NRCAM: variants seen among roughly 807,000 people sequenced by gnomAD.
NRCAM encodes neuronal cell adhesion molecule, also known as NgCAM-related cell adhesion molecule.
In NRCAM, 83 loss-of-function variants were observed where a neutral mutation model predicts 156.5. The ratio of observed to expected loss-of-function variants is 0.53; its 90% CI spans 0.44 to 0.64. NRCAM has a LOEUF of 0.64. Ranked by LOEUF, NRCAM falls within the 30% of genes least tolerant of loss-of-function variation. NRCAM has a pLI of 0.00. For missense variants in NRCAM, 1,417 were observed against 1,597.3 expected, an observed-to-expected ratio of 0.89 and a Z score of 1.92; for synonymous variants, 538 against 563.9, an observed-to-expected ratio of 0.95 and a Z score of 0.65.
intron 31 of NRCAM, among the ~76,000 whole-genome samples, chr7:108,159,936 T>C (rs2047867567): frequency 6.6e-6 from 1 of 152,210 alleles, no homozygotes; most frequent in Non-Finnish European, 1.5e-5. Flanking sequence ...ATAAATTTAA[T>C]GGGCCCACTA....
chr7:108,295,216 TCTGTA>T (rs780070488), intron 3 of NRCAM, among the ~76,000 whole-genome samples: 43 of 152,246 alleles, frequency 2.8e-4, no homozygotes, highest in Admixed American at 3.3e-4. Context: ...GAGGGCTCGC[TCTGTA>T]CTAGGCACTT....
intron 2 of NRCAM, among the ~76,000 whole-genome samples, chr7:108,339,346 G>A (rs2099247806): frequency 6.6e-6 from 1 of 152,142 alleles, no homozygotes; most frequent in Non-Finnish European, 1.5e-5. Flanking sequence ...CCAAACCTGC[G>A]AGCTGTTTGC....
intron 2 of NRCAM, among the ~76,000 whole-genome samples, chr7:108,383,643 G>A (rs181883975): frequency 3.1e-4 from 47 of 152,266 alleles, no homozygotes; most frequent in African/African-American, 1.1e-3. Context: ...TGAGAAATTT[G>A]AATAAAAATT....
intron 3 of NRCAM, among the ~76,000 whole-genome samples, chr7:108,256,814 G>C (rs1022136876): frequency 3.3e-5 from 5 of 151,994 alleles, no homozygotes; most frequent in African/African-American, 1.2e-4. Flanking sequence ...TCAGGAGTTT[G>C]AGACCAGCCT....
intron 2 of NRCAM, among the ~76,000 whole-genome samples, chr7:108,347,041 T>TTG (rs1174294317): frequency 1.5e-5 from 2 of 136,706 alleles, no homozygotes; most frequent in East Asian, 4.2e-4. Flanking sequence ...TGTTTTTTTT[T>TTG]TTTTTTTTTT....
At chr7:108,371,455 G>C (rs551485164) in intron 2 of NRCAM, among the ~76,000 whole-genome samples, 1 of 152,142 alleles carries the variant, frequency 6.6e-6, no homozygotes, top group Admixed American at 6.6e-5. Flanking sequence ...CCACACTAAG[G>C]GCATGCTATT....
intron 13 of NRCAM, among the ~76,000 whole-genome samples, chr7:108,202,406 C>T (rs1398556030): frequency 6.6e-6 from 1 of 152,080 alleles, no homozygotes; most frequent in Non-Finnish European, 1.5e-5. Context: ...GTGAAACAGG[C>T]TAATCATATA....
At chr7:108,178,686 G>A (rs558775174) in intron 25 of NRCAM, among the ~76,000 whole-genome samples, 51 of 152,244 alleles carry the variant, frequency 3.3e-4, no homozygotes, top group Non-Finnish European at 6.9e-4. Context: ...GGGAAGGCCC[G>A]AGGGGTCTCA....
chr7:108,393,817 A>G (rs1007313545), intron 2 of NRCAM, among the ~76,000 whole-genome samples: 1 of 152,194 alleles, frequency 6.6e-6, no homozygotes, highest in African/African-American at 2.4e-5. Flanking sequence ...TCACAGTACT[A>G]TGAAGATAGG....
At chr7:108,213,517 AG>A (rs1321336883) in intron 11 of NRCAM, among the ~76,000 whole-genome samples, 1 of 152,174 alleles carries the variant, frequency 6.6e-6, no homozygotes, top group Non-Finnish European at 1.5e-5. Context: ...TGCTGCCTTC[AG>A]GAGACTCACC....
intron 1 of NRCAM, among the ~76,000 whole-genome samples, chr7:108,429,218 G>C (rs1790350686): frequency 6.6e-6 from 1 of 151,942 alleles, no homozygotes; most frequent in African/African-American, 2.4e-5. Flanking sequence ...GTGAGACAGA[G>C]TCTCACTCTA....
intron 1 of NRCAM, among the ~76,000 whole-genome samples, chr7:108,432,936 G>C (rs1827480049): frequency 6.9e-6 from 1 of 144,104 alleles, no homozygotes; most frequent in African/African-American, 2.5e-5. Context: ...AGAGGAGAAA[G>C]AGAAAGAGAA....
At chr7:108,422,007 A>G (rs1810604964) in intron 1 of NRCAM, among the ~76,000 whole-genome samples, 1 of 152,206 alleles carries the variant, frequency 6.6e-6, no homozygotes, top group Admixed American at 6.5e-5. Context: ...CAGTAGTCAA[A>G]ATAGTCAAAA....
chr7:108,184,264 C>T lies in NRCAM; in HGVS notation c.2281G>A (p.Asp761Asn). 8.7e-6 allele frequency: 14 copies of T among 1,614,088 alleles called. No homozygotes were observed. Among genetic ancestry groups the T allele is most frequent in the Non-Finnish European group, 1.2e-5 (14 of 1,179,972 alleles). The change falls in exon 22 of 33, where the codon GAT becomes AAT. Residue 761 changes from aspartate (D) to asparagine (N), a missense_variant. Transcript: ENST00000379028. ...ACCTTCCACGTAATCACCAAATTAT[C>T]AGGCTCTGATCCCAGTCCTTCCACA... is the stretch of plus-strand genomic sequence containing the variant. The part of the protein sequence containing the change: ...TAVEGLGSEP[D>N]NLVITWKPLN...
intron 2 of NRCAM, among the ~76,000 whole-genome samples, chr7:108,392,943 G>C (rs981826745): frequency 1.1e-4 from 16 of 152,272 alleles, no homozygotes; most frequent in African/African-American, 3.9e-4. Context: ...TCTCAGAGGG[G>C]TACCCAGCCG....
intron 11 of NRCAM, among the ~76,000 whole-genome samples, chr7:108,214,418 G>C (rs1355226514): frequency 6.6e-6 from 1 of 151,720 alleles, no homozygotes; most frequent in African/African-American, 2.4e-5. Flanking sequence ...ACTCTATATG[G>C]TGGTAGTTTG....
chr7:108,228,435 T>G (rs2093819670), intron 8 of NRCAM, among the ~76,000 whole-genome samples: 1 of 152,082 alleles, frequency 6.6e-6, no homozygotes, highest in Admixed American at 6.6e-5. Flanking sequence ...AATAATAAAT[T>G]GAAGGGTGTT....
chr7:108,389,996 G>T (rs2099754401), intron 2 of NRCAM, among the ~76,000 whole-genome samples: 1 of 152,088 alleles, frequency 6.6e-6, no homozygotes, highest in Non-Finnish European at 1.5e-5. Context: ...ACATTCATCG[G>T]GGATATTGGT....
intron 1 of NRCAM, among the ~76,000 whole-genome samples, chr7:108,429,593 A>G (rs982975368): frequency 1.1e-4 from 16 of 152,258 alleles, no homozygotes; most frequent in Admixed American, 7.2e-4. Context: ...ACAATCCAAG[A>G]TAAGTGTTTC....
Sources: allele counts gnomAD v4.1 joint callset (sites outside exome capture counted in the v4.1 genomes callset), GRCh38; gene constraint gnomAD v4.1.1; transcripts MANE v1.5; gene names NCBI Gene and HGNC (gene_info 2026-07-23, HGNC 2026-07-21).